Variants in RIMS1 observed in about 807,000 individuals in gnomAD.
RIMS1 encodes regulating synaptic membrane exocytosis protein 1.
In RIMS1, 83 loss-of-function variants were observed where a neutral mutation model predicts 214.1. The observed-to-expected ratio is 0.39, with a 90% CI of 0.32 to 0.47. The LOEUF (loss-of-function observed/expected upper bound fraction) is 0.47, where lower values mean the gene tolerates loss of function less well. RIMS1 is among the 20% of genes least tolerant of loss of function. The pLI is 0.99. For missense variants in RIMS1, 2,050 were observed against 2,161.8 expected (o/e 0.95, Z 1.03); for synonymous variants, 793 against 786.8 (o/e 1.01, Z -0.13).
rs70994114 is a variant in RIMS1 at position 72,200,857 on chromosome 6, TTGTGTGTGTGTGTGTGTG to T, written c.1678+17733_1678+17750del. Among the ~76,000 whole-genome samples, 7 of 146,254 alleles carry T rather than the reference TTGTGTGTGTGTGTGTGTG, an allele frequency of 4.8e-5. 1 individual carries two copies. Among genetic ancestry groups the T allele is most frequent in the East Asian group, 2.0e-4 (1 of 4,914 alleles). On this transcript the variant is annotated intron_variant, in intron 6 of 33. Transcript: ENST00000521978. Reference sequence around the variant, plus strand: ...TTGAGAAGAGATTGAAAGGACACAATTGTGTGTGTGTGTGTGTGTGTGTGTGTGTGTGTGTGTGTGTGG... The same window carrying T: ...TTGAGAAGAGATTGAAAGGACACAATTGTGTGTGTGTGTGTGTGTGTGTGG...
chr6:72,012,288 C>G (rs940938429), intron 2 of RIMS1, among the ~76,000 whole-genome samples: 6 of 151,898 alleles, frequency 4.0e-5, no homozygotes, highest in African/African-American at 1.4e-4. Context: ...AATGAGAACA[C>G]GTGGACACAG....
At chr6:72,251,815 A>G (rs1485558589) in intron 15 of RIMS1, among the ~76,000 whole-genome samples, 1 of 152,006 alleles carries the variant, frequency 6.6e-6, no homozygotes, top group African/African-American at 2.4e-5. Flanking sequence ...GGTTTAAGCA[A>G]TTCTCCTGCC....
intron 1 of RIMS1, among the ~76,000 whole-genome samples, chr6:71,950,789 A>C (rs1177814438): frequency 2.0e-5 from 3 of 152,118 alleles, no homozygotes; most frequent in Admixed American, 1.3e-4. Context: ...TTTAAGTATT[A>C]TGGTCTGATG....
intron 4 of RIMS1, among the ~76,000 whole-genome samples, chr6:72,152,049 C>A (rs1016571517): frequency 3.3e-5 from 5 of 152,128 alleles, no homozygotes; most frequent in African/African-American, 1.2e-4. Context: ...ATGAGAATGG[C>A]ACCAAGCATT....
intron 6 of RIMS1, among the ~76,000 whole-genome samples, chr6:72,229,783 T>G (rs954661707): frequency 6.6e-6 from 1 of 151,892 alleles, no homozygotes; most frequent in African/African-American, 2.4e-5. Context: ...TATGAGACTG[T>G]TTCCCAAATG....
chr6:72,029,573 C>A (rs1441231338), intron 2 of RIMS1, among the ~76,000 whole-genome samples: 1 of 152,086 alleles, frequency 6.6e-6, no homozygotes, highest in Non-Finnish European at 1.5e-5. Flanking sequence ...TTGGACTTCC[C>A]AGCCTCTAGA....
At chr6:72,141,375 C>G (rs2153882260) in intron 4 of RIMS1, among the ~76,000 whole-genome samples, 1 of 152,020 alleles carries the variant, frequency 6.6e-6, no homozygotes, top group East Asian at 1.9e-4. Flanking sequence ...CCTCCTCCCC[C>G]TCAAAAAAAG....
intron 2 of RIMS1, among the ~76,000 whole-genome samples, chr6:72,066,290 T>C (rs1432738896): frequency 6.6e-6 from 1 of 152,238 alleles, no homozygotes; most frequent in East Asian, 1.9e-4. Flanking sequence ...CTTGGCAGAT[T>C]GGACCTATTA....
At chr6:72,196,764 C>T (rs540930029) in intron 6 of RIMS1, among the ~76,000 whole-genome samples, 95 of 151,524 alleles carry the variant, frequency 6.3e-4, no homozygotes, top group African/African-American at 2.1e-3. Flanking sequence ...GATGGAAAGG[C>T]GAATATAGCG....
Position 71,913,872 on chromosome 6 carries a change from T to C in RIMS1, c.164+26685T>C, listed in dbSNP as rs1777612812. Among the ~76,000 whole-genome samples, 3 of 152,086 alleles carry C rather than the reference T, an allele frequency of 2.0e-5. No individual in the cohort carries two copies. In the South Asian group the frequency reaches 6.2e-4, roughly 32 times the overall value. ...GGGTTAGGGTAAGAAGGACACTTCC[T>C]TTCTCTACAACTCAGGTATGGTAGA... On this transcript the variant is annotated intron_variant, in intron 1 of 33. Transcript: ENST00000521978.
chr6:72,014,907 T>C (rs1429336099), intron 2 of RIMS1, among the ~76,000 whole-genome samples: 2 of 152,238 alleles, frequency 1.3e-5, no homozygotes, highest in African/African-American at 4.8e-5. Flanking sequence ...TCCCTGCCTA[T>C]TTCTTTTCCG....
chr6:72,330,480 CTATT>C (rs1446459555), intron 28 of RIMS1, among the ~76,000 whole-genome samples: 1 of 151,600 alleles, frequency 6.6e-6, no homozygotes, highest in African/African-American at 2.4e-5. Flanking sequence ...ACTCATAAAT[CTATT>C]CATTCAGCAA....
At chr6:72,025,851 G>A (rs1374412231) in intron 2 of RIMS1, among the ~76,000 whole-genome samples, 2 of 152,218 alleles carry the variant, frequency 1.3e-5, no homozygotes, top group African/African-American at 4.8e-5. Context: ...GACTTGACTA[G>A]TGCTGGAAGA....
At chr6:72,016,727 A>G (rs974577413) in intron 2 of RIMS1, among the ~76,000 whole-genome samples, 1 of 152,146 alleles carries the variant, frequency 6.6e-6, no homozygotes, top group African/African-American at 2.4e-5. Flanking sequence ...GTCTTCTTTT[A>G]ACTGTATTTG....
intron 30 of RIMS1, among the ~76,000 whole-genome samples, 153 bp from the exon 31 acceptor site, chr6:72,392,545 G>A (rs911158867): frequency 2.0e-5 from 3 of 151,984 alleles, no homozygotes; most frequent in Non-Finnish European, 4.4e-5. Context: ...CATATGCTTG[G>A]CTCAAAGGCA....
intron 2 of RIMS1, among the ~76,000 whole-genome samples, chr6:72,080,299 A>C (rs898733448): frequency 1.3e-5 from 2 of 151,968 alleles, no homozygotes; most frequent in Admixed American, 1.3e-4. Flanking sequence ...AGTACATAAC[A>C]GTCATGAACA....
intron 1 of RIMS1, among the ~76,000 whole-genome samples, chr6:71,905,220 A>T (rs1357193676): frequency 6.6e-6 from 1 of 151,940 alleles, no homozygotes; most frequent in Non-Finnish European, 1.5e-5. Context: ...ATTTTAGAAG[A>T]TCTATTCCAT....
At chr6:72,087,452 A>G (rs757995724) in intron 2 of RIMS1, among the ~76,000 whole-genome samples, 39 of 152,242 alleles carry the variant, frequency 2.6e-4, no homozygotes, top group Non-Finnish European at 3.1e-4. Context: ...CCCTTGTTTG[A>G]TGAGAGGAAT....
intron 26 of RIMS1, among the ~76,000 whole-genome samples, chr6:72,302,639 T>C (rs1383890510): frequency 6.6e-6 from 1 of 151,624 alleles, no homozygotes; most frequent in African/African-American, 2.4e-5. Context: ...GGGACTGCAC[T>C]ATCATGGAGC....
Sources: gnomAD v4.1 joint callset for allele counts (sites outside exome capture counted in the v4.1 genomes callset) on GRCh38, gnomAD v4.1.1 for gene constraint, MANE v1.5 for transcripts, NCBI Gene and HGNC (gene_info 2026-07-23, HGNC 2026-07-21) for gene names.